RAB31: variants seen among roughly 807,000 people sequenced by gnomAD.
The protein encoded by RAB31 is RAB31, member RAS oncogene family.
In RAB31, 21 loss-of-function variants were observed where a neutral mutation model predicts 25.6. That is an observed-to-expected ratio of 0.82 (90% confidence interval 0.58 to 1.18). The LOEUF (loss-of-function observed/expected upper bound fraction) is 1.18. Among genes scored for constraint, RAB31 ranks in the 50% most tolerant of loss-of-function variants. RAB31 has a pLI of 0.00. For missense variants in RAB31, 196 were observed against 250.1 expected (o/e 0.78, Z 1.46); for synonymous variants, 87 against 84.0 (o/e 1.04, Z -0.20).
intron 3 of RAB31, among the ~76,000 whole-genome samples, chr18:9,798,479 G>A (rs1262086870): frequency 6.6e-6 from 1 of 152,116 alleles, no homozygotes; most frequent in Non-Finnish European, 1.5e-5. Flanking sequence ...AATTATTGGA[G>A]TCCCGTGAAT....
intron 3 of RAB31, among the ~76,000 whole-genome samples, chr18:9,798,533 T>C (rs1055197781): frequency 1.3e-5 from 2 of 152,220 alleles, no homozygotes; most frequent in Non-Finnish European, 2.9e-5. Flanking sequence ...ATTGTTCTTT[T>C]AGTTTTCATA....
At chr18:9,834,013 G>C (rs1454776678) in intron 5 of RAB31, among the ~76,000 whole-genome samples, 1 of 152,148 alleles carries the variant, frequency 6.6e-6, no homozygotes, top group African/African-American at 2.4e-5. Flanking sequence ...CTGGAATAGA[G>C]CCAATTAATG....
At chr18:9,709,390 C>A (rs1323281773) in intron 1 of RAB31, among the ~76,000 whole-genome samples, 1 of 152,164 alleles carries the variant, frequency 6.6e-6, no homozygotes, top group African/African-American at 2.4e-5. Flanking sequence ...TCTGGTGTAC[C>A]CGCCCGTGTC....
At chr18:9,795,930 C>A (rs370224317) in intron 3 of RAB31, among the ~76,000 whole-genome samples, 1 of 152,156 alleles carries the variant, frequency 6.6e-6, no homozygotes, top group East Asian at 1.9e-4. Context: ...CTTGCACACG[C>A]ATGTTTATTG....
chr18:9,749,363 G>GAAC (rs1301548252), intron 1 of RAB31, among the ~76,000 whole-genome samples: 3 of 44,890 alleles, frequency 6.7e-5, no homozygotes, highest in East Asian at 6.5e-4. Flanking sequence ...GGAACAGAGG[G>GAAC]AGCGGAGGGA....
chr18:9,812,652 T>C (rs1437569672), intron 3 of RAB31, among the ~76,000 whole-genome samples: 1 of 151,882 alleles, frequency 6.6e-6, no homozygotes, highest in Non-Finnish European at 1.5e-5. Context: ...TTAAGCCATC[T>C]TTTTCTTATT....
intron 5 of RAB31, among the ~76,000 whole-genome samples, chr18:9,817,333 G>A (rs192994207): frequency 7.9e-5 from 12 of 152,268 alleles, no homozygotes; most frequent in Non-Finnish European, 1.6e-4. Flanking sequence ...GTATCACTTA[G>A]GATTCTTGGT....
chr18:9,745,945 A>C (rs1207988843), intron 1 of RAB31, among the ~76,000 whole-genome samples: 1 of 152,248 alleles, frequency 6.6e-6, no homozygotes, highest in African/African-American at 2.4e-5. Flanking sequence ...TAAAAGAAGT[A>C]AACGGCATCT....
intron 6 of RAB31, among the ~76,000 whole-genome samples, chr18:9,847,224 G>T (rs886908797): frequency 8.5e-5 from 13 of 152,196 alleles, no homozygotes; most frequent in Non-Finnish European, 1.8e-4. Context: ...GTGGCGTTAG[G>T]CTCTTCTGCT....
At chr18:9,808,748 G>A (rs368042004) in intron 3 of RAB31, among the ~76,000 whole-genome samples, 2 of 152,204 alleles carry the variant, frequency 1.3e-5, no homozygotes, top group African/African-American at 2.4e-5. Flanking sequence ...GGGACAGAGC[G>A]TCCTCTGGAA....
intron 3 of RAB31, among the ~76,000 whole-genome samples, chr18:9,800,084 C>A (rs545365497): frequency 5.3e-5 from 8 of 152,172 alleles, no homozygotes; most frequent in African/African-American, 1.9e-4. Flanking sequence ...GGTCCATAGC[C>A]GACAGAAGGT....
chr18:9,809,877 A>G lies in RAB31; in HGVS notation c.202-4143A>G, dbSNP rs1362195174. 3.9e-5 allele frequency among the ~76,000 whole-genome samples: 6 copies of G among 152,362 alleles called. No individual in the cohort carries two copies. The East Asian group carries it at 1.2e-3, about 29-fold the overall frequency. ...GAAACACATTGTCCAGCTGCTTTCCAGAAAGGTCATGCTCGTTTATTTTCT... is the reference window on the plus strand; with the variant it reads ...GAAACACATTGTCCAGCTGCTTTCCGGAAAGGTCATGCTCGTTTATTTTCT... On this transcript the variant is annotated intron_variant, in intron 3 of 6. Coordinates refer to ENST00000578921, the MANE Select transcript of RAB31 (RefSeq NM_006868.4).
At chr18:9,727,989 T>C (rs764364045) in intron 1 of RAB31, among the ~76,000 whole-genome samples, 10 of 152,244 alleles carry the variant, frequency 6.6e-5, no homozygotes, top group Non-Finnish European at 1.2e-4. Flanking sequence ...TTGTTTTTAA[T>C]GACTAAACTT....
chr18:9,734,103 G>GGAGGTAGA (rs2068137580), intron 1 of RAB31, among the ~76,000 whole-genome samples: 1 of 74,646 alleles, frequency 1.3e-5, no homozygotes, highest in Non-Finnish European at 3.3e-5. Context: ...GTGGCGGGGA[G>GGAGGTAGA]GAGGGAGGGA....
intron 5 of RAB31, among the ~76,000 whole-genome samples, chr18:9,839,587 G>A (rs1404558566): frequency 1.3e-5 from 2 of 152,196 alleles, no homozygotes; most frequent in Admixed American, 6.5e-5. Flanking sequence ...TTATCACAGA[G>A]CATTGAGGTT....
intron 6 of RAB31, among the ~76,000 whole-genome samples, chr18:9,855,418 G>A (rs1174692317): frequency 1.3e-5 from 2 of 152,136 alleles, no homozygotes; most frequent in African/African-American, 4.8e-5. Flanking sequence ...TAGGCTCAGA[G>A]CCTTTTCAGA....
At position 9,832,867 on chromosome 18, in the gene RAB31, A is replaced by G. The variant is rs570794358; in HGVS notation, c.381-12715A>G. On this transcript the variant is annotated intron_variant, in intron 5 of 6. Transcript: ENST00000578921. ...TGTAAAGAACTCACAGCGGAAGTCC[A>G]AAGTCTTCCTGCAGGCCTCCCTGCG... Among the ~76,000 whole-genome samples, 5 of 152,310 alleles carry G rather than the reference A, an allele frequency of 3.3e-5. No individual in the cohort carries two copies. The East Asian group carries it at 9.7e-4, about 29-fold the overall frequency.
intron 3 of RAB31, among the ~76,000 whole-genome samples, chr18:9,793,828 T>C (rs2068473767): frequency 6.6e-6 from 1 of 152,228 alleles, no homozygotes; most frequent in Admixed American, 6.5e-5. Flanking sequence ...TGTCACCTTC[T>C]CTACCTCCTT....
intron 1 of RAB31, among the ~76,000 whole-genome samples, chr18:9,712,750 CACTTAAAAACTGCT>C: frequency 6.6e-6 from 1 of 151,370 alleles, no homozygotes; most frequent in African/African-American, 2.4e-5. Context: ...AAACTGCGTG[CACTTAAAAACTGCT>C]TCCTGATGGA....
Sources: gnomAD v4.1 joint callset for allele counts (sites outside exome capture counted in the v4.1 genomes callset) on GRCh38, gnomAD v4.1.1 for gene constraint, MANE v1.5 for transcripts, NCBI Gene and HGNC (gene_info 2026-07-23, HGNC 2026-07-21) for gene names.